The following SLC20A2 variants were observed in gnomAD, a reference collection of about 807,000 sequenced individuals.
SLC20A2 encodes the protein sodium-dependent phosphate transporter 2.
Under a neutral mutation model 61.0 loss-of-function variants are expected in SLC20A2, and 30 were observed. That is an observed-to-expected ratio of 0.49 (90% confidence interval 0.37 to 0.67). The LOEUF is 0.67. Among genes scored for constraint, SLC20A2 ranks in the 30% least tolerant of loss-of-function variants. The pLI is 0.00. For synonymous variants in SLC20A2, 351 were observed against 353.3 expected (o/e 0.99, Z 0.07); for missense variants, 626 against 866.4 (o/e 0.72, Z 3.48).
chr8:42,501,905 A>G (rs1278848866), upstream of SLC20A2, among the ~76,000 whole-genome samples: 1 of 152,252 alleles, frequency 6.6e-6, no homozygotes, highest in Non-Finnish European at 1.5e-5. Flanking sequence ...GTTAACAGGT[A>G]AAGACCCCAA....
At chr8:42,475,626 G>C (rs990809145) in intron 1 of SLC20A2, among the ~76,000 whole-genome samples, 1 of 151,872 alleles carries the variant, frequency 6.6e-6, no homozygotes, top group African/African-American at 2.4e-5. Flanking sequence ...GGCCAGGCTG[G>C]TCTTGAACTC....
Position 42,438,708 on chromosome 8 carries a change from T to TTTTTC in SLC20A2, c.934+737_934+741dup, listed in dbSNP as rs372842962. ...CTAAAGGACACAGAATGGTCTGGATTTTTTCTTTTCTTTTCTTTTCTTTTT... is the reference window on the plus strand; with the variant it reads ...CTAAAGGACACAGAATGGTCTGGATTTTTTCTTTTCTTTTCTTTTCTTTTCTTTTT... On this transcript the variant is annotated intron_variant, in intron 7 of 10. Transcript: ENST00000520262. 5.7e-4 allele frequency among the ~76,000 whole-genome samples: 86 copies of TTTTTC among 151,662 alleles called. 1 individual carries two copies. Among genetic ancestry groups the TTTTTC allele is most frequent in the Admixed American group, 3.2e-3 (49 of 15,228 alleles).
chr8:42,518,432 A>G (rs1031742244), intron 1 of SLC20A2, among the ~76,000 whole-genome samples: 2 of 152,176 alleles, frequency 1.3e-5, no homozygotes, highest in Non-Finnish European at 2.9e-5. Context: ...AGGCATATCT[A>G]TGATATATTG....
intron 8 of SLC20A2, among the ~76,000 whole-genome samples, 170 bp downstream of exon 8, chr8:42,436,819 C>A (rs1441598726): frequency 6.6e-6 from 1 of 152,248 alleles, no homozygotes; most frequent in Non-Finnish European, 1.5e-5. Flanking sequence ...ACACTGCTCG[C>A]TGTCCCGCAC....
intron 6 of SLC20A2, among the ~76,000 whole-genome samples, chr8:42,441,601 T>G (rs933768893): frequency 1.3e-5 from 2 of 150,482 alleles, no homozygotes; most frequent in African/African-American, 4.9e-5. Context: ...CCTGAGTAGC[T>G]GGGATTACAA....
chr8:42,432,975 G>A (rs1204202807), intron 8 of SLC20A2, among the ~76,000 whole-genome samples: 1 of 152,164 alleles, frequency 6.6e-6, no homozygotes, highest in African/African-American at 2.4e-5. Context: ...TGTCTCCCAG[G>A]TGTTCCTGTA....
At chr8:42,436,298 C>A (rs987437615) in intron 8 of SLC20A2, among the ~76,000 whole-genome samples, 1 of 152,066 alleles carries the variant, frequency 6.6e-6, no homozygotes, top group African/African-American at 2.4e-5. Flanking sequence ...CGGGCGTACA[C>A]GGCCGCTGCC....
At chr8:42,500,477 T>C (rs1301156387) in intron 1 of SLC20A2, among the ~76,000 whole-genome samples, 1 of 152,220 alleles carries the variant, frequency 6.6e-6, no homozygotes, top group Non-Finnish European at 1.5e-5. Flanking sequence ...TAAAACCTTC[T>C]TCCTAAATTA....
intron 2 of SLC20A2, among the ~76,000 whole-genome samples, chr8:42,466,923 G>A (rs967578031): frequency 6.6e-6 from 1 of 152,144 alleles, no homozygotes; most frequent in Non-Finnish European, 1.5e-5. Context: ...TCCTGCTTCA[G>A]CCTCCCAAAG....
intron 1 of SLC20A2, among the ~76,000 whole-genome samples, chr8:42,480,908 G>C (rs909485728): frequency 6.6e-6 from 1 of 152,090 alleles, no homozygotes; most frequent in African/African-American, 2.4e-5. Flanking sequence ...TGATTCTCCC[G>C]CCTCAGCCTC....
intron 1 of SLC20A2, among the ~76,000 whole-genome samples, chr8:42,527,398 C>G (rs936150791): frequency 6.7e-6 from 1 of 148,712 alleles, no homozygotes; most frequent in South Asian, 2.1e-4. Context: ...AAAAAAGAAA[C>G]TAGATGTGGA....
intron 1 of SLC20A2, among the ~76,000 whole-genome samples, chr8:42,513,862 TGAAA>T (rs1466596945): frequency 6.6e-6 from 1 of 152,040 alleles, no homozygotes; most frequent in African/African-American, 2.4e-5. Context: ...AGAAAAACAG[TGAAA>T]GGCATTCTAG....
At chr8:42,525,229 G>GT (rs1260434312) in intron 1 of SLC20A2, among the ~76,000 whole-genome samples, 1 of 152,094 alleles carries the variant, frequency 6.6e-6, no homozygotes, top group African/African-American at 2.4e-5. Context: ...TCTATTTTTC[G>GT]TGAGAATGCT....
chr8:42,441,186 C>A (rs1804753534), intron 6 of SLC20A2, among the ~76,000 whole-genome samples: 1 of 148,526 alleles, frequency 6.7e-6, no homozygotes. Context: ...CTCTTTTTGC[C>A]CAGGCTAGAG....
At chr8:42,429,606 C>A (rs1803689936) in intron 9 of SLC20A2, among the ~76,000 whole-genome samples, 1 of 152,230 alleles carries the variant, frequency 6.6e-6, no homozygotes, top group Admixed American at 6.5e-5. Context: ...CCAGAGCTCA[C>A]CCACAATGGC....
At chr8:42,530,391 A>C (rs963528883) in intron 1 of SLC20A2, among the ~76,000 whole-genome samples, 1 of 152,180 alleles carries the variant, frequency 6.6e-6, no homozygotes, top group African/African-American at 2.4e-5. Flanking sequence ...AATATATATA[A>C]CCCAGTGTTG....
chr8:42,458,516 AG>A (rs1806383832), intron 5 of SLC20A2, among the ~76,000 whole-genome samples: 1 of 149,994 alleles, frequency 6.7e-6, no homozygotes, highest in African/African-American at 2.5e-5. Context: ...CCGGCTACTC[AG>A]GGGGCTGAGG....
At position 42,458,719 on chromosome 8, in the gene SLC20A2, T is replaced by C. The variant is rs539659626; in HGVS notation, c.613+1177A>G. 2.0e-5 allele frequency among the ~76,000 whole-genome samples: 3 copies of C among 148,878 alleles called. No homozygotes were observed. The South Asian group carries it at 6.5e-4, about 32-fold the overall frequency. ...GTCAGGAGACTGAGACCATCCTGGC[T>C]AATATGGTGAAACCCCTGTCTCTAC... is the stretch of plus-strand genomic sequence containing the variant. On this transcript the variant is annotated intron_variant, in intron 5 of 10. Transcript: ENST00000520262.
intron 2 of SLC20A2, among the ~76,000 whole-genome samples, chr8:42,467,926 T>TA (rs1456870012): frequency 1.3e-5 from 2 of 152,066 alleles, no homozygotes; most frequent in Non-Finnish European, 2.9e-5. Context: ...ATATTCTTTT[T>TA]TTTTTTTTTA....
Sources: allele counts gnomAD v4.1 joint callset (sites outside exome capture counted in the v4.1 genomes callset), GRCh38; gene constraint gnomAD v4.1.1; transcripts MANE v1.5; gene names NCBI Gene and HGNC (gene_info 2026-07-23, HGNC 2026-07-21).